The following XKR4 variants were observed in gnomAD, a reference collection of about 807,000 sequenced individuals.
The protein encoded by XKR4 is XK-related protein 4.
XKR4 carries 12 observed loss-of-function variants against 53.9 expected under a neutral mutation model. That is an observed-to-expected ratio of 0.22 (90% CI 0.14 to 0.36). The LOEUF (loss-of-function observed/expected upper bound fraction) is 0.36. Ranked by LOEUF, XKR4 falls within the 10% of genes least tolerant of loss-of-function variation. The probability of loss-of-function intolerance (pLI) is 1.00; values close to 1 mark genes in which losing one functional copy is unlikely to be tolerated. For missense variants in XKR4, 799 were observed against 859.5 expected, an observed-to-expected ratio of 0.93 and a Z score of 0.88; for synonymous variants, 354 against 362.4, an observed-to-expected ratio of 0.98 and a Z score of 0.26.
At chr8:55,490,333 C>CA (rs1806253454) in intron 2 of XKR4, among the ~76,000 whole-genome samples, 1 of 151,898 alleles carries the variant, frequency 6.6e-6, no homozygotes, top group Non-Finnish European at 1.5e-5. Flanking sequence ...ACCACAGGAA[C>CA]AAAAAAACAA....
chr8:55,376,589 T>C (rs1585545638), intron 2 of XKR4, among the ~76,000 whole-genome samples: 1 of 152,298 alleles, frequency 6.6e-6, no homozygotes, highest in African/African-American at 2.4e-5. Context: ...TTTTTTCTTG[T>C]AAATTTGCTT....
intron 1 of XKR4, among the ~76,000 whole-genome samples, chr8:55,351,564 A>G (rs916820637): frequency 3.3e-5 from 5 of 152,222 alleles, no homozygotes; most frequent in South Asian, 2.1e-4. Context: ...TGGGAGTTCT[A>G]CTGACCATGG....
chr8:55,340,948 A>G (rs1054588466), intron 1 of XKR4, among the ~76,000 whole-genome samples: 2 of 152,204 alleles, frequency 1.3e-5, no homozygotes, highest in African/African-American at 2.4e-5. Flanking sequence ...GACAACCTGA[A>G]GAACTCAAAA....
chr8:55,505,129 G>A (rs568111720), intron 2 of XKR4, among the ~76,000 whole-genome samples: 1 of 151,822 alleles, frequency 6.6e-6, no homozygotes, highest in African/African-American at 2.4e-5. Context: ...GTTTTTTAAG[G>A]TGTAAAGCTA....
intron 1 of XKR4, among the ~76,000 whole-genome samples, chr8:55,315,981 A>C (rs527544499): frequency 6.6e-6 from 1 of 152,290 alleles, no homozygotes; most frequent in African/African-American, 2.4e-5. Context: ...AGTCCCTGCT[A>C]CTCTGGGACT....
intron 2 of XKR4, among the ~76,000 whole-genome samples, chr8:55,447,908 G>A (rs548046473): frequency 2.6e-5 from 4 of 152,140 alleles, no homozygotes; most frequent in Non-Finnish European, 4.4e-5. Context: ...TTAAAGGAAC[G>A]TAACATTAAC....
intron 1 of XKR4, among the ~76,000 whole-genome samples, chr8:55,332,888 A>T (rs1412234642): frequency 6.6e-6 from 1 of 150,414 alleles, no homozygotes; most frequent in Non-Finnish European, 1.5e-5. Flanking sequence ...ATGATGTCTC[A>T]TAAGTCCCTC....
intron 2 of XKR4, among the ~76,000 whole-genome samples, chr8:55,473,765 T>C (rs1334007061): frequency 6.6e-6 from 1 of 152,128 alleles, no homozygotes; most frequent in Non-Finnish European, 1.5e-5. Flanking sequence ...AAATTTCACT[T>C]AAACCCAAAG....
chr8:55,347,375 G>A (rs1467207127), intron 1 of XKR4, among the ~76,000 whole-genome samples: 1 of 152,164 alleles, frequency 6.6e-6, no homozygotes, highest in Non-Finnish European at 1.5e-5. Flanking sequence ...ACATATAGGT[G>A]TCCGTGTGCA....
At chr8:55,331,746 TATG>T (rs1803387416) in intron 1 of XKR4, among the ~76,000 whole-genome samples, 1 of 152,168 alleles carries the variant, frequency 6.6e-6, no homozygotes, top group Non-Finnish European at 1.5e-5. Flanking sequence ...TAATATTTTG[TATG>T]ATATTAGTTT....
chr8:55,225,611 T>C (rs1448384303), intron 1 of XKR4, among the ~76,000 whole-genome samples: 1 of 152,238 alleles, frequency 6.6e-6, no homozygotes, highest in Non-Finnish European at 1.5e-5. Context: ...TGTTTTCATT[T>C]TAGTCATAAT....
chr8:55,389,313 A>T (rs1215318217), intron 2 of XKR4, among the ~76,000 whole-genome samples: 1 of 152,190 alleles, frequency 6.6e-6, no homozygotes, highest in African/African-American at 2.4e-5. Context: ...CAGAAAACTA[A>T]TATATTCTCA....
chr8:55,148,709 C>A (rs1212450662), intron 1 of XKR4, among the ~76,000 whole-genome samples: 1 of 151,786 alleles, frequency 6.6e-6, no homozygotes, highest in Non-Finnish European at 1.5e-5. Flanking sequence ...AGATTTTTTT[C>A]TTTTCTTTAT....
intron 1 of XKR4, among the ~76,000 whole-genome samples, chr8:55,152,712 G>T (rs928455163): frequency 6.6e-5 from 10 of 152,056 alleles, no homozygotes; most frequent in African/African-American, 2.4e-4. Flanking sequence ...AAAAAGTAGA[G>T]GGAAAAAAAT....
At chr8:55,139,412 C>T (rs942947558) in intron 1 of XKR4, among the ~76,000 whole-genome samples, 3 of 150,582 alleles carry the variant, frequency 2.0e-5, no homozygotes, top group South Asian at 2.1e-4. Flanking sequence ...CGGCAGGCCC[C>T]GGTAATCCCA....
At chr8:55,451,157 G>C (rs1585579986) in intron 2 of XKR4, 6 of 528,764 alleles carry the variant, frequency 1.1e-5, no homozygotes, top group South Asian at 1.1e-4. Flanking sequence ...AGCCCGGGTC[G>C]GGGGCCGGGG....
chr8:55,195,428 C>G lies in XKR4; in HGVS notation c.806+92134C>G, dbSNP rs923744940. On this transcript the variant is annotated intron_variant, in intron 1 of 2. Transcript: ENST00000327381. ...CAATTAGTTTTTTAAATAAAATATA[C>G]TATTATATATAACATATATTTTAGT... 1.7e-4 allele frequency among the ~76,000 whole-genome samples: 17 copies of G among 97,734 alleles called. 4 individuals carry two copies. The highest frequency in any genetic ancestry group is 4.1e-4 in the Non-Finnish European group (17 of 41,158). 64.1% of individuals were successfully genotyped at this position (97,734 alleles called of 152,430 possible).
chr8:55,518,983 T>A (rs1806757236), intron 2 of XKR4, among the ~76,000 whole-genome samples: 1 of 152,150 alleles, frequency 6.6e-6, no homozygotes, highest in Non-Finnish European at 1.5e-5. Flanking sequence ...GAAGGCGCTC[T>A]TATAGAGGAG....
At chr8:55,450,487 C>G in intron 2 of XKR4, 1 of 620,920 alleles carries the variant, frequency 1.6e-6, no homozygotes. Flanking sequence ...TCTCCTCGTA[C>G]AGCAGCCCCA....
Sources: allele counts gnomAD v4.1 joint callset (sites outside exome capture counted in the v4.1 genomes callset), GRCh38; gene constraint gnomAD v4.1.1; transcripts MANE v1.5; gene names NCBI Gene and HGNC (gene_info 2026-07-23, HGNC 2026-07-21).